Variants in FHIT observed in about 807,000 individuals in gnomAD.
FHIT encodes bis(5'-adenosyl)-triphosphatase.
Under a neutral mutation model 17.9 loss-of-function variants are expected in FHIT, and 19 were observed. The ratio of observed to expected loss-of-function variants is 1.06; its 90% confidence interval spans 0.74 to 1.56. FHIT has a LOEUF of 1.56. Among genes scored for constraint, FHIT ranks in the 40% most tolerant of loss-of-function variants. The pLI is 0.00. For synonymous variants in FHIT, 81 were observed against 69.7 expected, an observed-to-expected ratio of 1.16 and a Z score of -0.81; for missense variants, 248 against 189.2, an observed-to-expected ratio of 1.31 and a Z score of -1.82.
chr3:59,937,183 A>G (rs1033170600), intron 7 of FHIT, among the ~76,000 whole-genome samples: 2 of 152,208 alleles, frequency 1.3e-5, no homozygotes, highest in South Asian at 4.1e-4. Flanking sequence ...ATTTCAGATA[A>G]TCTTTGCAAA....
At chr3:60,390,632 G>A (rs1234974639) in intron 5 of FHIT, among the ~76,000 whole-genome samples, 1 of 152,038 alleles carries the variant, frequency 6.6e-6, no homozygotes, top group Non-Finnish European at 1.5e-5. Context: ...GGGACAAGAT[G>A]TGGAGGTGGA....
At chr3:60,543,934 ATT>A (rs1456906698) in intron 4 of FHIT, among the ~76,000 whole-genome samples, 2 of 59,016 alleles carry the variant, frequency 3.4e-5, no homozygotes, top group Non-Finnish European at 6.6e-5. Flanking sequence ...TTTTTTTTGT[ATT>A]TTTAGTAGAG....
chr3:59,767,495 T>G (rs1458798864), intron 8 of FHIT, among the ~76,000 whole-genome samples: 1 of 152,020 alleles, frequency 6.6e-6, no homozygotes, highest in Non-Finnish European at 1.5e-5. Context: ...TGAGACTTGG[T>G]CTCAAAAAGA....
chr3:60,722,154 C>A (rs2041821799), intron 4 of FHIT, among the ~76,000 whole-genome samples: 1 of 152,168 alleles, frequency 6.6e-6, no homozygotes, highest in Non-Finnish European at 1.5e-5. Context: ...ATATTTCTAT[C>A]CTTGCACATT....
chr3:60,496,375 C>T (rs1576760341), intron 5 of FHIT, among the ~76,000 whole-genome samples: 1 of 152,246 alleles, frequency 6.6e-6, no homozygotes, highest in South Asian at 2.1e-4. Flanking sequence ...AAAAGGGACA[C>T]CTGTTTGCAT....
chr3:60,608,788 T>C (rs551735077), intron 4 of FHIT, among the ~76,000 whole-genome samples: 65 of 152,262 alleles, frequency 4.3e-4, no homozygotes, highest in Non-Finnish European at 8.1e-4. Flanking sequence ...TCAGTCAAAG[T>C]CATGTAAAGA....
chr3:61,003,139 T>C (rs1240509200), intron 3 of FHIT, among the ~76,000 whole-genome samples: 1 of 152,190 alleles, frequency 6.6e-6, no homozygotes, highest in Non-Finnish European at 1.5e-5. Flanking sequence ...TTTATATAAA[T>C]AATTTATTGT....
At chr3:60,412,060 G>A (rs899234940) in intron 5 of FHIT, among the ~76,000 whole-genome samples, 3 of 151,946 alleles carry the variant, frequency 2.0e-5, no homozygotes, top group Non-Finnish European at 4.4e-5. Flanking sequence ...TAATACACCT[G>A]CAGTGTTTTA....
At chr3:60,998,967 G>A (rs764015858) in intron 3 of FHIT, among the ~76,000 whole-genome samples, 6 of 151,936 alleles carry the variant, frequency 3.9e-5, no homozygotes, top group African/African-American at 1.2e-4. Context: ...TAGAGACACC[G>A]TGGGAAATAA....
At chr3:60,036,718 A>G (rs1041666698) in intron 5 of FHIT, among the ~76,000 whole-genome samples, 1 of 152,166 alleles carries the variant, frequency 6.6e-6, no homozygotes, top group African/African-American at 2.4e-5. Flanking sequence ...GGGTGCATAC[A>G]AAGAGAGAAT....
At chr3:60,625,070 G>A (rs545708546) in intron 4 of FHIT, among the ~76,000 whole-genome samples, 33 of 152,140 alleles carry the variant, frequency 2.2e-4, no homozygotes, top group African/African-American at 6.7e-4. Flanking sequence ...CACCATGCCT[G>A]GCAAATTTTT....
chr3:60,176,155 C>G (rs528232748), intron 5 of FHIT, among the ~76,000 whole-genome samples: 12 of 152,282 alleles, frequency 7.9e-5, no homozygotes, highest in Non-Finnish European at 1.5e-4. Flanking sequence ...AGTTAGAGAC[C>G]AGCCTGGCCA....
intron 8 of FHIT, among the ~76,000 whole-genome samples, chr3:59,775,600 T>G (rs1159131926): frequency 6.6e-6 from 1 of 152,232 alleles, no homozygotes; most frequent in Non-Finnish European, 1.5e-5. Flanking sequence ...ACTTGTTACC[T>G]GGCTCAAAGA....
At chr3:60,566,220 G>C (rs1576891101) in intron 4 of FHIT, among the ~76,000 whole-genome samples, 1 of 152,130 alleles carries the variant, frequency 6.6e-6, no homozygotes, top group Admixed American at 6.6e-5. Context: ...GTGCTGAGAA[G>C]AATGTATATT....
chr3:60,284,043 A>T (rs2107653221), intron 5 of FHIT, among the ~76,000 whole-genome samples: 1 of 152,112 alleles, frequency 6.6e-6, no homozygotes, highest in East Asian at 1.9e-4. Context: ...TGAATTAATA[A>T]AAAAAACTGA....
chr3:60,026,223 T>A (rs1700735985), intron 5 of FHIT, among the ~76,000 whole-genome samples: 1 of 152,096 alleles, frequency 6.6e-6, no homozygotes, highest in Non-Finnish European at 1.5e-5. Flanking sequence ...GGAGTTAATA[T>A]CTGTACCTAC....
chr3:60,639,472 T>C (rs2039672550), intron 4 of FHIT, among the ~76,000 whole-genome samples: 1 of 152,128 alleles, frequency 6.6e-6, no homozygotes, highest in Admixed American at 6.6e-5. Flanking sequence ...AATTGCAATT[T>C]AGAAGACACT....
intron 5 of FHIT, among the ~76,000 whole-genome samples, chr3:60,030,989 T>A (rs541441039): frequency 2.0e-5 from 3 of 152,294 alleles, no homozygotes; most frequent in Admixed American, 2.0e-4. Flanking sequence ...CTCAGATAAA[T>A]CTAAAAATGA....
intron 5 of FHIT, among the ~76,000 whole-genome samples, chr3:60,169,015 G>A (rs1228673032): frequency 3.3e-5 from 5 of 152,146 alleles, no homozygotes; most frequent in Non-Finnish European, 7.3e-5. Flanking sequence ...TACAGTTGGA[G>A]GATTCTTTGA....
Sources: gnomAD v4.1 joint callset for allele counts (sites outside exome capture counted in the v4.1 genomes callset) on GRCh38, gnomAD v4.1.1 for gene constraint, MANE v1.5 for transcripts, NCBI Gene and HGNC (gene_info 2026-07-23, HGNC 2026-07-21) for gene names.